Variants in SNUPN observed in about 807,000 individuals in gnomAD.
SNUPN encodes the protein snurportin 1.
Under a neutral mutation model 39.2 loss-of-function variants are expected in SNUPN, and 31 were observed. The observed-to-expected ratio is 0.79, with a 90% confidence interval of 0.59 to 1.07. The LOEUF (loss-of-function observed/expected upper bound fraction) is 1.07. Among genes scored for constraint, SNUPN ranks in the 50% least tolerant of loss-of-function variants. The pLI is 0.00. For missense variants in SNUPN, 382 were observed against 434.2 expected, an observed-to-expected ratio of 0.88 and a Z score of 1.07; for synonymous variants, 132 against 159.0, an observed-to-expected ratio of 0.83 and a Z score of 1.28.
chr15:75,624,356 A>G (rs1051922462), intron 1 of SNUPN, among the ~76,000 whole-genome samples: 3 of 150,586 alleles, frequency 2.0e-5, no homozygotes, highest in East Asian at 2.0e-4. Context: ...GAACCACACA[A>G]CCTTTGAAAC....
chr15:75,598,917 C>T (rs1377497669), intron 8 of SNUPN, among the ~76,000 whole-genome samples: 5 of 151,960 alleles, frequency 3.3e-5, no homozygotes, highest in African/African-American at 7.3e-5. Context: ...CTTATAATTC[C>T]AGCACTTTGG....
chr15:75,617,843 A>G (rs1166878440), intron 2 of SNUPN, among the ~76,000 whole-genome samples: 4 of 152,090 alleles, frequency 2.6e-5, no homozygotes, highest in Admixed American at 6.6e-5. Flanking sequence ...CAGCCTCCCA[A>G]AGTGCTGGGA....
Position 75,598,489 on chromosome 15 carries a change from C to T in SNUPN, c.952G>A (p.Glu318Lys), listed in dbSNP as rs747831161. The part of the protein sequence containing the change: ...QIMEHKKSQK[E>K]GMKEKLTHKA... ...TGTGTGAGTTTCTCCTTCATGCCTTCCTTCTGGCTCTTCTTGTGCTCCATA... is the reference window on the plus strand; with the variant it reads ...TGTGTGAGTTTCTCCTTCATGCCTTTCTTCTGGCTCTTCTTGTGCTCCATA... Residue 318 changes from glutamate (E) to lysine (K), a missense_variant, in exon 9 of 9, where the codon GAA becomes AAA. Transcript: ENST00000308588. 1 of 1,614,226 alleles carries T rather than the reference C, an allele frequency of 6.2e-7. No homozygotes were observed. The highest frequency in any genetic ancestry group is 2.2e-5 in the East Asian group (1 of 44,884).
intron 2 of SNUPN, among the ~76,000 whole-genome samples, chr15:75,620,227 GTA>G (rs960721722): frequency 9.9e-5 from 15 of 152,240 alleles, no homozygotes; most frequent in Admixed American, 9.2e-4. Flanking sequence ...AATGCAGACT[GTA>G]TGGAAACTAT....
intron 3 of SNUPN, among the ~76,000 whole-genome samples, chr15:75,612,743 C>T (rs1337962656): frequency 1.3e-5 from 2 of 152,088 alleles, no homozygotes; most frequent in Non-Finnish European, 2.9e-5. Flanking sequence ...CTTCCCACCC[C>T]TGAAACACCT....
chr15:75,613,054 G>A (rs1035477518), intron 3 of SNUPN, among the ~76,000 whole-genome samples: 4 of 151,858 alleles, frequency 2.6e-5, no homozygotes, highest in African/African-American at 7.3e-5. Flanking sequence ...TCAGGAGATC[G>A]AGACCATCCT....
chr15:75,613,471 C>T (rs1892848348), intron 3 of SNUPN, among the ~76,000 whole-genome samples: 1 of 150,684 alleles, frequency 6.6e-6, no homozygotes, highest in African/African-American at 2.4e-5. Flanking sequence ...GCTGAAACCC[C>T]GTCTCTACTA....
intron 3 of SNUPN, among the ~76,000 whole-genome samples, chr15:75,612,037 C>CTT (rs60411925): frequency 0.17 from 23,089 of 139,552 alleles, 2,673 homozygotes; most frequent in Non-Finnish European, 0.25. Flanking sequence ...CCTTTTTTTC[C>CTT]TTTTTTTTTT....
At chr15:75,615,647 G>C (rs1234238259) in intron 3 of SNUPN, among the ~76,000 whole-genome samples, 1 of 139,272 alleles carries the variant, frequency 7.2e-6, no homozygotes, top group African/African-American at 2.8e-5. Context: ...TGTCGCCCAG[G>C]CTGGAGTGCA....
At chr15:75,605,627 G>A (rs2075325132) in intron 6 of SNUPN, among the ~76,000 whole-genome samples, 1 of 151,912 alleles carries the variant, frequency 6.6e-6, no homozygotes, top group Admixed American at 6.6e-5. Flanking sequence ...AAATTATTTT[G>A]CTTTTGGAAA....
intron 6 of SNUPN, among the ~76,000 whole-genome samples, chr15:75,605,646 G>T (rs533559574): frequency 6.6e-6 from 1 of 152,272 alleles, no homozygotes; most frequent in South Asian, 2.1e-4. Flanking sequence ...AATTTAAAAA[G>T]ATACATACAG....
At chr15:75,621,114 G>T in intron 1 of SNUPN, 58 bp from the exon 2 acceptor site, 4 of 1,543,658 alleles carry the variant, frequency 2.6e-6, no homozygotes, top group Non-Finnish European at 2.7e-6. Context: ...CCTGTATACA[G>T]ACAGTTATGC....
intron 3 of SNUPN, among the ~76,000 whole-genome samples, chr15:75,612,627 A>T (rs899561692): frequency 1.3e-5 from 2 of 151,632 alleles, no homozygotes; most frequent in African/African-American, 2.4e-5. Context: ...CTCCACACTC[A>T]TCTATATTGC....
chr15:75,624,178 C>G (rs1435955692), intron 1 of SNUPN, among the ~76,000 whole-genome samples: 2 of 150,062 alleles, frequency 1.3e-5, no homozygotes, highest in Non-Finnish European at 3.0e-5. Flanking sequence ...CCGCCCGCCT[C>G]GGCCTCCCAA....
chr15:75,623,927 T>A (rs1327377857), intron 1 of SNUPN, among the ~76,000 whole-genome samples: 1 of 64,230 alleles, frequency 1.6e-5, no homozygotes, highest in East Asian at 4.6e-4. Flanking sequence ...ATGATAAAAT[T>A]TTTTTTTTTT....
chr15:75,617,468 T>A lies in SNUPN; in HGVS notation c.243A>T (p.Lys81Asn). Residue 81 changes from lysine (K) to asparagine (N), a missense_variant, in exon 3 of 9, where the codon AAA becomes AAT. Transcript: ENST00000308588. ...TGMESEEENK[K>N]DDEEMDIDTV... ...TGTCAATGTCCATTTCTTCATCATC[T>A]TTCTTATTTTCTTCCTCACTCTCCA... 6.2e-7 allele frequency: 1 copy of A among 1,614,170 alleles called. No homozygotes were observed. The highest frequency in any genetic ancestry group is 8.5e-7 in the Non-Finnish European group (1 of 1,180,004).
At chr15:75,608,997 G>T (rs904709341) in intron 5 of SNUPN, among the ~76,000 whole-genome samples, 1 of 151,730 alleles carries the variant, frequency 6.6e-6, no homozygotes, top group Non-Finnish European at 1.5e-5. Context: ...AAAATTAGCC[G>T]GGTGCAGCCT....
intron 1 of SNUPN, chr15:75,622,401 G>A (rs1392361530): frequency 2.6e-5 from 26 of 985,124 alleles, no homozygotes; most frequent in Non-Finnish European, 2.8e-5. Context: ...CTCCAGTAGT[G>A]TGAAGAACTT....
intron 3 of SNUPN, among the ~76,000 whole-genome samples, chr15:75,613,482 A>C (rs914366451): frequency 6.6e-6 from 1 of 151,140 alleles, no homozygotes; most frequent in African/African-American, 2.4e-5. Flanking sequence ...GTCTCTACTA[A>C]AAATACAAAA....
Sources: allele counts gnomAD v4.1 joint callset (sites outside exome capture counted in the v4.1 genomes callset), GRCh38; gene constraint gnomAD v4.1.1; transcripts MANE v1.5; gene names NCBI Gene and HGNC (gene_info 2026-07-23, HGNC 2026-07-21).